The following ZNF160 variants were observed in gnomAD, a reference collection of about 807,000 sequenced individuals.
ZNF160 encodes the protein zinc finger protein 160.
ZNF160 carries 9 observed loss-of-function variants against 13.1 expected under a neutral mutation model. The observed-to-expected ratio is 0.69, with a 90% CI of 0.41 to 1.20. ZNF160 has a LOEUF of 1.20. Ranked by LOEUF, ZNF160 falls within the 50% of genes most tolerant of loss-of-function variation. The probability of loss-of-function intolerance (pLI) is 0.01; values close to 1 mark genes in which losing one functional copy is unlikely to be tolerated. For missense variants in ZNF160, 838 were observed against 988.0 expected (o/e 0.85, Z 2.04); for synonymous variants, 293 against 333.2 (o/e 0.88, Z 1.31).
intron 2 of ZNF160, among the ~76,000 whole-genome samples, chr19:53,086,559 G>A (rs2084841181): frequency 6.6e-6 from 1 of 151,382 alleles, no homozygotes; most frequent in South Asian, 2.1e-4. Context: ...TCCTGGAGAA[G>A]CCCACACACA....
intron 3 of ZNF160, chr19:53,075,919 T>C (rs907230791): frequency 2.2e-6 from 1 of 449,756 alleles, no homozygotes; most frequent in African/African-American, 2.0e-5. Flanking sequence ...CCTCAGCCTA[T>C]GGGAGCTGAC....
intron 5 of ZNF160, among the ~76,000 whole-genome samples, chr19:53,070,608 G>A (rs2084134502): frequency 6.6e-6 from 1 of 152,030 alleles, no homozygotes; most frequent in Admixed American, 6.5e-5. Flanking sequence ...TAGAGACGGG[G>A]TTTCACCATG....
chr19:53,074,669 CA>C (rs55829838), intron 4 of ZNF160, among the ~76,000 whole-genome samples: 22,958 of 123,188 alleles, frequency 0.19, 2,030 homozygotes, highest in African/African-American at 0.28. Flanking sequence ...GACTCCGCCT[CA>C]AAAAAAAAAA....
chr19:53,069,112 G>A lies in ZNF160; in HGVS notation c.1422C>T (p.Ile474=). ...MHSNLATHQV[I]HTGTKPFKCN... is the part of the protein sequence containing the mutation. ...ATTTGAAAGGTTTTGTTCCAGTATG[G>A]ATGACCTGATGGGTAGCTAGGTTTG... is the stretch of plus-strand genomic sequence containing the variant. Residue 474 remains isoleucine, a synonymous_variant, in exon 6 of 6, where the codon ATC becomes ATT. Transcript: ENST00000683776. This position sits in a 1 kb window ranked among gnomAD's most constrained non-coding sequence, Gnocchi z 4.4. 6.2e-7 allele frequency: 1 copy of A among 1,614,006 alleles called. No individual in the cohort carries two copies.
At chr19:53,094,456 G>C (rs1424662060) in intron 1 of ZNF160, among the ~76,000 whole-genome samples, 3 of 152,114 alleles carry the variant, frequency 2.0e-5, no homozygotes, top group South Asian at 2.1e-4. Context: ...GCCAGTTCCA[G>C]GATGAAACCA....
intron 1 of ZNF160, among the ~76,000 whole-genome samples, chr19:53,095,011 C>A (rs1418602345): frequency 6.6e-6 from 1 of 151,202 alleles, no homozygotes; most frequent in African/African-American, 2.4e-5. Flanking sequence ...TTGCCCAGAC[C>A]CCAGCCCAGG....
intron 3 of ZNF160, chr19:53,075,505 G>C: frequency 2.8e-6 from 1 of 358,172 alleles, no homozygotes; most frequent in South Asian, 2.3e-5. Flanking sequence ...GCTGAGGCTC[G>C]GTTAGACTAA....
chr19:53,094,410 C>T (rs564054132), intron 1 of ZNF160, among the ~76,000 whole-genome samples: 1 of 152,242 alleles, frequency 6.6e-6, no homozygotes, highest in Non-Finnish European at 1.5e-5. Context: ...TCTAAACAGA[C>T]AAATCAGGTC....
At chr19:53,087,620 G>T (rs867408302) in intron 2 of ZNF160, among the ~76,000 whole-genome samples, 7 of 152,010 alleles carry the variant, frequency 4.6e-5, no homozygotes, top group South Asian at 4.2e-4. Context: ...GCGTGATCTC[G>T]GCTCACTGCA....
Position 53,094,632 on chromosome 19 carries a change from C to G in ZNF160, c.-353-2912G>C, listed in dbSNP as rs150725500. Among the ~76,000 whole-genome samples the G allele has an allele frequency of 4.1e-3, 627 of 152,256 alleles. 4 individuals carry two copies. Among genetic ancestry groups the G allele is most frequent in the African/African-American group, 0.014 (593 of 41,544 alleles). The stretch of plus-strand genomic sequence containing the variant: ...GTAAGAGTAAAAAAACCTTAGCCTT[C>G]AATTAAGTGGCCCAGTACCATTCTG... On this transcript the variant is annotated intron_variant, in intron 1 of 5. Transcript: ENST00000683776.
intron 1 of ZNF160, among the ~76,000 whole-genome samples, chr19:53,103,041 T>A (rs1212967703): frequency 6.6e-6 from 1 of 152,004 alleles, no homozygotes; most frequent in African/African-American, 2.4e-5. Context: ...AGAGCGAGGC[T>A]GGGAGGCGCC....
intron 1 of ZNF160, among the ~76,000 whole-genome samples, chr19:53,099,102 CA>C (rs1408173654): frequency 1.8e-5 from 2 of 111,594 alleles, no homozygotes; most frequent in East Asian, 4.2e-4. Flanking sequence ...GATGGAGACA[CA>C]AAACACTCAA....
intron 3 of ZNF160, chr19:53,075,977 C>T (rs1163302889): frequency 7.1e-6 from 2 of 280,452 alleles, no homozygotes; most frequent in Non-Finnish European, 1.5e-5. Flanking sequence ...TATGAGAACA[C>T]CCATTTGGTG....
chr19:53,087,220 G>A (rs2084869588), intron 2 of ZNF160, among the ~76,000 whole-genome samples: 1 of 152,228 alleles, frequency 6.6e-6, no homozygotes, highest in Non-Finnish European at 1.5e-5. Context: ...TGTGACTGGA[G>A]CAGAGGGGGC....
rs1421778068 is a variant in ZNF160, at chr19:53,074,177, T to G, written c.234A>C (p.Lys78Asn). ...CTTTGACACATTCCGGCGTTCTTGG[T>G]TTTCTTGCTATTTTCACACAGCTCT... Reference protein sequence around the residue: ...TVKSCVKIARKPRTPECVKGV... With the variant: ...TVKSCVKIARNPRTPECVKGV... The change falls in exon 5 of 6, where the codon AAA (lysine) becomes AAC (asparagine). Residue 78 changes from lysine to asparagine, a missense_variant. Physicochemically the swap from Lys to Asn is moderately conservative, Grantham distance 94. Around this residue, in one of 3 missense-constraint regions of ZNF160, gnomAD observed 387 missense variants for 402.3 expected, o/e 0.96. Transcript: ENST00000683776. The G allele has an allele frequency of 8.7e-6, 14 of 1,613,850 alleles. No homozygotes were observed. The highest frequency in any genetic ancestry group is 1.2e-5 in the Non-Finnish European group (14 of 1,179,956).
intron 4 of ZNF160, 114 bp from the exon 5 acceptor site, chr19:53,074,382 A>C: frequency 6.8e-7 from 1 of 1,475,096 alleles, no homozygotes; most frequent in Non-Finnish European, 9.0e-7. Context: ...AAATTCATCC[A>C]CTGGGCCAGG....
At chr19:53,092,607 C>A (rs1359198012) in intron 1 of ZNF160, among the ~76,000 whole-genome samples, 2 of 152,212 alleles carry the variant, frequency 1.3e-5, no homozygotes, top group Admixed American at 1.3e-4. Flanking sequence ...AGCTACCATG[C>A]TGGCTGGATA....
chr19:53,090,430 G>GTCCTTCTCAC (rs1568499667), intron 2 of ZNF160, among the ~76,000 whole-genome samples: 1 of 152,104 alleles, frequency 6.6e-6, no homozygotes, highest in African/African-American at 2.4e-5. Flanking sequence ...GTTCTCACCC[G>GTCCTTCTCAC]TCCTTCTCAC....
chr19:53,072,601 C>T (rs2084220571), intron 5 of ZNF160, among the ~76,000 whole-genome samples: 1 of 152,032 alleles, frequency 6.6e-6, no homozygotes, highest in Admixed American at 6.6e-5. Context: ...TCTGTAATCC[C>T]AGCACTTTGG....
Sources: gnomAD v4.1 joint callset for allele counts (sites outside exome capture counted in the v4.1 genomes callset) on GRCh38, gnomAD v4.1.1 for gene constraint, gnomAD v4.1.1 regional missense constraint, Gnocchi (gnomAD v3.1) non-coding constraint, MANE v1.5 for transcripts, NCBI Gene and HGNC (gene_info 2026-07-23, HGNC 2026-07-21) for gene names.